Variants in PREX2 observed in about 807,000 individuals in gnomAD.
PREX2 encodes the protein phosphatidylinositol 3,4,5-trisphosphate-dependent Rac exchanger 2 protein.
In PREX2, 107 loss-of-function variants were observed where a neutral mutation model predicts 203.2. The observed-to-expected ratio is 0.53, with a 90% confidence interval of 0.45 to 0.62. The LOEUF (loss-of-function observed/expected upper bound fraction) is 0.62. Among genes scored for constraint, PREX2 ranks in the 20% least tolerant of loss-of-function variants. The probability of loss-of-function intolerance (pLI) is 0.00; values close to 1 mark genes in which losing one functional copy is unlikely to be tolerated. For synonymous variants in PREX2, 672 were observed against 663.6 expected, an observed-to-expected ratio of 1.01 and a Z score of -0.19; for missense variants, 1,777 against 1,955.9, an observed-to-expected ratio of 0.91 and a Z score of 1.72.
intron 34 of PREX2, among the ~76,000 whole-genome samples, chr8:68,152,531 A>G (rs909597464): frequency 2.0e-5 from 3 of 152,114 alleles, no homozygotes; most frequent in Non-Finnish European, 2.9e-5. Context: ...ACGACGACTC[A>G]ATGGCCAATT....
chr8:67,991,144 A>C (rs1023679143), intron 1 of PREX2, among the ~76,000 whole-genome samples: 4 of 152,090 alleles, frequency 2.6e-5, no homozygotes, highest in African/African-American at 4.8e-5. Context: ...TCTCCCTGAA[A>C]CCCCATAAAC....
At chr8:67,975,105 C>T (rs1159561075) in intron 1 of PREX2, among the ~76,000 whole-genome samples, 1 of 152,056 alleles carries the variant, frequency 6.6e-6, no homozygotes, top group African/African-American at 2.4e-5. Context: ...CTAGTTTTCC[C>T]AATGAATGGA....
intron 38 of PREX2, among the ~76,000 whole-genome samples, 190 bp from the exon 39 acceptor site, chr8:68,224,369 A>AT (rs1291079483): frequency 6.6e-6 from 1 of 152,238 alleles, no homozygotes; most frequent in Non-Finnish European, 1.5e-5. Flanking sequence ...ACAAAGCAAC[A>AT]TAACAGCACA....
intron 1 of PREX2, among the ~76,000 whole-genome samples, chr8:67,956,686 G>A (rs1805501421): frequency 6.6e-6 from 1 of 152,164 alleles, no homozygotes; most frequent in Admixed American, 6.5e-5. Context: ...TGTCTAAACT[G>A]GGACACTTCT....
At chr8:68,012,607 G>A (rs1270187601) in intron 1 of PREX2, among the ~76,000 whole-genome samples, 4 of 152,260 alleles carry the variant, frequency 2.6e-5, no homozygotes, top group East Asian at 3.9e-4. Flanking sequence ...CAATGCCCAC[G>A]AGGCTGAGTC....
rs554178253 is a variant in PREX2 at position 68,077,569 on chromosome 8, A to G, written c.1642+100A>G. Reference sequence around the variant, plus strand: ...GCTGCAGTGAGGTCATTTAGGGATGAGCCAGCAAGACTGTCTGGGTCTTGC... The same window carrying G: ...GCTGCAGTGAGGTCATTTAGGGATGGGCCAGCAAGACTGTCTGGGTCTTGC... On this transcript the variant is annotated intron_variant, in intron 15 of 39. Transcript: ENST00000288368. The G allele has an allele frequency of 1.4e-5, 12 of 882,890 alleles. 1 individual carries two copies. The South Asian group carries it at 1.6e-4, about 12-fold the overall frequency. 54.7% of individuals were successfully genotyped at this position (882,890 alleles called of 1,614,324 possible).
chr8:68,198,227 A>G (rs993597780), intron 37 of PREX2, among the ~76,000 whole-genome samples: 3 of 152,214 alleles, frequency 2.0e-5, no homozygotes, highest in Admixed American at 6.5e-5. Flanking sequence ...GTTTACAATT[A>G]TATTTCCTTT....
At chr8:68,124,909 G>A (rs1810858638) in intron 30 of PREX2, among the ~76,000 whole-genome samples, 1 of 151,666 alleles carries the variant, frequency 6.6e-6, no homozygotes, top group African/African-American at 2.4e-5. Context: ...ATAGTCAATG[G>A]TGTGGGGAGG....
At chr8:67,992,211 T>G (rs1806631848) in intron 1 of PREX2, among the ~76,000 whole-genome samples, 1 of 152,152 alleles carries the variant, frequency 6.6e-6, no homozygotes, top group South Asian at 2.1e-4. Flanking sequence ...GGTCTTAAGG[T>G]TCAATCAAGG....
chr8:68,114,368 A>G (rs1437981080), intron 25 of PREX2: 2 of 488,134 alleles, frequency 4.1e-6, no homozygotes, highest in South Asian at 3.0e-5. Flanking sequence ...GAGAATCAAG[A>G]TATGTGCTAC....
intron 32 of PREX2, among the ~76,000 whole-genome samples, chr8:68,136,299 T>C (rs564504698): frequency 6.6e-6 from 1 of 152,270 alleles, no homozygotes; most frequent in Non-Finnish European, 1.5e-5. Flanking sequence ...CTTAAATTTA[T>C]TTAAGGAATT....
intron 4 of PREX2, 61 bp downstream of exon 4, chr8:68,022,201 A>T: frequency 2.4e-6 from 2 of 836,232 alleles, no homozygotes; most frequent in Non-Finnish European, 4.2e-6. Flanking sequence ...AGTGAGAGCC[A>T]AGGAATAGCA....
chr8:68,145,045 A>G (rs1319952757), intron 33 of PREX2, among the ~76,000 whole-genome samples: 4 of 152,158 alleles, frequency 2.6e-5, no homozygotes, highest in African/African-American at 9.6e-5. Flanking sequence ...GGGGAACTAG[A>G]GGATACGGAT....
chr8:68,108,719 T>G (rs1178704412), intron 24 of PREX2, among the ~76,000 whole-genome samples: 2 of 152,180 alleles, frequency 1.3e-5, no homozygotes, highest in Admixed American at 6.5e-5. Context: ...CAAACTATCC[T>G]CTAGTTTTTA....
intron 37 of PREX2, among the ~76,000 whole-genome samples, chr8:68,195,535 G>A (rs1812377745): frequency 6.6e-6 from 1 of 152,128 alleles, no homozygotes; most frequent in Admixed American, 6.5e-5. Context: ...GATAAGATAT[G>A]TGTTAATTTA....
chr8:68,113,233 A>C (rs1193327137), intron 25 of PREX2, among the ~76,000 whole-genome samples: 1 of 152,246 alleles, frequency 6.6e-6, no homozygotes, highest in African/African-American at 2.4e-5. Flanking sequence ...CAATGCAAGC[A>C]TGATTGCAGC....
chr8:68,210,296 G>T (rs1456702745), intron 37 of PREX2, among the ~76,000 whole-genome samples: 3 of 151,926 alleles, frequency 2.0e-5, no homozygotes, highest in Non-Finnish European at 4.4e-5. Flanking sequence ...TCAATTTATG[G>T]CAAATTGTCA....
intron 35 of PREX2, among the ~76,000 whole-genome samples, chr8:68,177,435 C>G (rs1030817633): frequency 1.6e-4 from 24 of 152,222 alleles, no homozygotes; most frequent in Middle Eastern, 3.4e-3. Context: ...CATGGGGGCA[C>G]ATGCCTATAG....
chr8:68,130,955 A>C (rs185565257), intron 31 of PREX2, among the ~76,000 whole-genome samples: 1 of 152,342 alleles, frequency 6.6e-6, no homozygotes, highest in Admixed American at 6.5e-5. Context: ...ATTGATTTAA[A>C]GTTTGCTAGG....
Sources: allele counts gnomAD v4.1 joint callset (sites outside exome capture counted in the v4.1 genomes callset), GRCh38; gene constraint gnomAD v4.1.1; transcripts MANE v1.5; gene names NCBI Gene and HGNC (gene_info 2026-07-23, HGNC 2026-07-21).